The following EXT1 variants were observed in gnomAD, a reference collection of about 807,000 sequenced individuals.
The protein encoded by EXT1 is exostosin-1.
A neutral mutation model predicts 82.5 loss-of-function variants in EXT1; 20 were observed. That is an observed-to-expected ratio of 0.24 (90% CI 0.17 to 0.35). The LOEUF (loss-of-function observed/expected upper bound fraction) is 0.35. EXT1 is among the 10% of genes least tolerant of loss of function. EXT1 has a pLI of 1.00. For missense variants in EXT1, 757 were observed against 936.5 expected, an observed-to-expected ratio of 0.81 and a Z score of 2.50; for synonymous variants, 348 against 350.8, an observed-to-expected ratio of 0.99 and a Z score of 0.09.
intron 1 of EXT1, among the ~76,000 whole-genome samples, chr8:118,103,988 G>T (rs1204313302): frequency 6.6e-6 from 1 of 152,224 alleles, no homozygotes; most frequent in South Asian, 2.1e-4. Flanking sequence ...GTAACAGGGA[G>T]AAACTCTGTT....
At chr8:118,102,872 C>G (rs144623026) in intron 1 of EXT1, among the ~76,000 whole-genome samples, 135 of 152,028 alleles carry the variant, frequency 8.9e-4, no homozygotes, top group African/African-American at 3.2e-3. Context: ...AAGACAAGGT[C>G]GGCCGGGCTT....
chr8:118,033,861 T>C (rs755690536), intron 1 of EXT1, among the ~76,000 whole-genome samples: 88 of 152,320 alleles, frequency 5.8e-4, no homozygotes, highest in Non-Finnish European at 2.6e-4. Context: ...CTACATATCA[T>C]GGATGTATTA....
intron 1 of EXT1, among the ~76,000 whole-genome samples, chr8:117,845,955 C>G (rs938790282): frequency 6.6e-6 from 1 of 152,128 alleles, no homozygotes. Flanking sequence ...ATGGGATCCA[C>G]GACCAGCTCT....
rs1250122688 is a variant in EXT1 at position 117,837,135 on chromosome 8, C to T, written c.1029G>A (p.Gly343=). The T allele has an allele frequency of 4.3e-6, 7 of 1,613,890 alleles. No homozygotes were observed. The South Asian group carries it at 7.7e-5, about 18-fold the overall frequency. The change falls in exon 2 of 11, where the codon GGG becomes GGA. Residue 343 remains glycine, a synonymous_variant. Coordinates refer to ENST00000378204, the MANE Select transcript of EXT1 (RefSeq NM_000127.3). ...GCAAAGCCTCCAGGAATCTGAAGGA[C>T]CCAAGCCTGCGACCACGAGGAACCA... ...FCLVPRGRRL[G]SFRFLEALQA... is the part of the protein sequence containing the mutation.
Position 118,090,682 on chromosome 8 carries a change from T to C in EXT1, c.962+19403A>G, listed in dbSNP as rs756775701. Among the ~76,000 whole-genome samples, 77 of 143,420 alleles carry C rather than the reference T, an allele frequency of 5.4e-4. 1 individual carries two copies. The highest frequency in any genetic ancestry group is 2.4e-4 in the Non-Finnish European group (16 of 66,954). The allele number at this position is 143,420 out of a possible 152,430, so 94.1% of individuals were successfully genotyped here. A position where few individuals can be genotyped will look rare whatever the true frequency, so the allele number is the denominator to read the frequency against. ...TAATCCCAGCTACTCGGGAAGCTGA[T>C]GCAGGAGAATTGCTTGAGCCTGGGA... On this transcript the variant is annotated intron_variant, in intron 1 of 10. Coordinates refer to ENST00000378204, the MANE Select transcript of EXT1 (RefSeq NM_000127.3).
At chr8:117,809,244 T>TATATA (rs1554657605) in intron 8 of EXT1, among the ~76,000 whole-genome samples, 6 of 138,206 alleles carry the variant, frequency 4.3e-5, no homozygotes, top group Non-Finnish European at 6.3e-5. Context: ...TATATATATA[T>TATATA]TATGTTCTAT....
intron 1 of EXT1, among the ~76,000 whole-genome samples, chr8:118,005,298 G>A (rs1205510442): frequency 6.6e-6 from 1 of 152,140 alleles, no homozygotes; most frequent in Non-Finnish European, 1.5e-5. Context: ...TCAGCCCAAA[G>A]GGTACACATA....
At chr8:117,845,790 T>A (rs1201279544) in intron 1 of EXT1, among the ~76,000 whole-genome samples, 1 of 152,110 alleles carries the variant, frequency 6.6e-6, no homozygotes, top group Non-Finnish European at 1.5e-5. Context: ...CTCCACTTTT[T>A]AAGCATTTCC....
At chr8:118,017,088 A>G (rs1469890560) in intron 1 of EXT1, among the ~76,000 whole-genome samples, 1 of 152,248 alleles carries the variant, frequency 6.6e-6, no homozygotes, top group Non-Finnish European at 1.5e-5. Flanking sequence ...ACGGACCGGT[A>G]TAATCATTTA....
At chr8:117,842,930 C>T (rs973597362) in intron 1 of EXT1, among the ~76,000 whole-genome samples, 6 of 152,142 alleles carry the variant, frequency 3.9e-5, no homozygotes, top group Non-Finnish European at 8.8e-5. Flanking sequence ...AGTGATCCAG[C>T]CTCTCATCTC....
intron 1 of EXT1, among the ~76,000 whole-genome samples, chr8:117,997,417 C>T (rs1028944933): frequency 2.6e-5 from 4 of 151,568 alleles, no homozygotes; most frequent in Admixed American, 2.6e-4. Flanking sequence ...GAGTTCTACT[C>T]CTACCTACTT....
At position 117,801,769 on chromosome 8, in the gene EXT1, A is replaced by G. The variant is rs533301861; in HGVS notation, c.2056-1872T>C. On this transcript the variant is annotated intron_variant, in intron 10 of 10. Coordinates refer to ENST00000378204, the MANE Select transcript of EXT1 (RefSeq NM_000127.3). ...AATCCACCTGCTCTGGCCTCCCAAAATGCTGGGATTATAGGCATGAGCCAC... is the reference window on the plus strand; with the variant it reads ...AATCCACCTGCTCTGGCCTCCCAAAGTGCTGGGATTATAGGCATGAGCCAC... 3.2e-4 allele frequency among the ~76,000 whole-genome samples: 49 copies of G among 152,242 alleles called. No homozygotes were observed. In the East Asian group the frequency reaches 8.7e-3, roughly 27 times the overall value.
At chr8:117,997,192 A>T (rs1234970912) in intron 1 of EXT1, among the ~76,000 whole-genome samples, 1 of 151,262 alleles carries the variant, frequency 6.6e-6, no homozygotes, top group East Asian at 1.9e-4. Context: ...TAAAGTGGAG[A>T]TGCTCAAATT....
intron 1 of EXT1, among the ~76,000 whole-genome samples, chr8:118,050,919 A>G (rs1304685346): frequency 6.6e-6 from 1 of 152,186 alleles, no homozygotes; most frequent in East Asian, 1.9e-4. Context: ...TGTATTTTAG[A>G]TCCTTATTCC....
chr8:117,973,681 T>C (rs917896654), intron 1 of EXT1, among the ~76,000 whole-genome samples: 3 of 151,858 alleles, frequency 2.0e-5, no homozygotes, highest in Admixed American at 2.0e-4. Flanking sequence ...GCATGGAAGA[T>C]TGCTTGAGCC....
rs1563582182 is a variant in EXT1, at chr8:117,858,825, G to A, written c.963-21624C>T. Among the ~76,000 whole-genome samples, 30 of 36,938 alleles carry A rather than the reference G, an allele frequency of 8.1e-4. 1 individual carries two copies. Among genetic ancestry groups the A allele is most frequent in the African/African-American group, 2.8e-3 (29 of 10,214 alleles). 24.2% of individuals were successfully genotyped at this position (36,938 alleles called of 152,430 possible). On this transcript the variant is annotated intron_variant, in intron 1 of 10. Transcript: ENST00000378204. Reference sequence around the variant, plus strand: ...CAAGGCAAGGCAGGAAGGAAGGAAGGAAGGAAGGAAGGAAGGAAGGAAAGA... The same window carrying A: ...CAAGGCAAGGCAGGAAGGAAGGAAGAAAGGAAGGAAGGAAGGAAGGAAAGA...
chr8:117,964,224 C>G (rs1315942324), intron 1 of EXT1, among the ~76,000 whole-genome samples: 1 of 152,190 alleles, frequency 6.6e-6, no homozygotes, highest in African/African-American at 2.4e-5. Flanking sequence ...GATCTGAAAT[C>G]TGGAATTAGT....
intron 1 of EXT1, among the ~76,000 whole-genome samples, chr8:118,074,574 G>GAGAA (rs1554598882): frequency 1.5e-5 from 2 of 132,260 alleles, no homozygotes; most frequent in African/African-American, 6.2e-5. Context: ...AGAGAAGAGA[G>GAGAA]AAAAAAAAAA....
chr8:118,008,849 T>C (rs1815836122), intron 1 of EXT1, among the ~76,000 whole-genome samples: 1 of 152,182 alleles, frequency 6.6e-6, no homozygotes, highest in Non-Finnish European at 1.5e-5. Flanking sequence ...TCACAGAGTT[T>C]TTTAAAGAAT....
Sources: gnomAD v4.1 joint callset for allele counts (sites outside exome capture counted in the v4.1 genomes callset) on GRCh38, gnomAD v4.1.1 for gene constraint, MANE v1.5 for transcripts, NCBI Gene and HGNC (gene_info 2026-07-23, HGNC 2026-07-21) for gene names.